The following PRR5 variants were observed in gnomAD, a reference collection of about 807,000 sequenced individuals.
PRR5 encodes the protein proline rich 5.
PRR5 carries 25 observed loss-of-function variants against 30.6 expected under a neutral mutation model. The observed-to-expected ratio is 0.82, with a 90% CI of 0.60 to 1.14. The LOEUF (loss-of-function observed/expected upper bound fraction) is 1.14. Among genes scored for constraint, PRR5 ranks in the 50% most tolerant of loss-of-function variants. The pLI, the probability that PRR5 is intolerant of heterozygous loss-of-function variation, is 0.00. For missense variants in PRR5, 600 were observed against 547.1 expected, an observed-to-expected ratio of 1.10 and a Z score of -0.96; for synonymous variants, 286 against 247.1, an observed-to-expected ratio of 1.16 and a Z score of -1.48.
chr22:44,732,993 C>T (rs558924906), intron 6 of PRR5, among the ~76,000 whole-genome samples: 38 of 145,074 alleles, frequency 2.6e-4, no homozygotes, highest in Middle Eastern at 3.6e-3. Flanking sequence ...CATACATGTG[C>T]GCGCACACAT....
At chr22:44,721,856 G>A (rs1471059817) in intron 2 of PRR5, among the ~76,000 whole-genome samples, 1 of 152,228 alleles carries the variant, frequency 6.6e-6, no homozygotes, top group Non-Finnish European at 1.5e-5. Flanking sequence ...CTCGGGTTCA[G>A]CCTCATGCCT....
At chr22:44,718,192 C>CTTGTTTT (rs1929391273) in intron 2 of PRR5, among the ~76,000 whole-genome samples, 1 of 94,578 alleles carries the variant, frequency 1.1e-5, no homozygotes, top group Non-Finnish European at 1.9e-5. Flanking sequence ...TTTCATCTCT[C>CTTGTTTT]TTTTTTTTTT....
chr22:44,701,518 C>T (rs998623920), upstream of PRR5, among the ~76,000 whole-genome samples: 3 of 152,230 alleles, frequency 2.0e-5, no homozygotes, highest in Admixed American at 6.5e-5. Context: ...CAGGAAGCAC[C>T]GGCTGTGCCC....
chr22:44,670,764 G>A (rs1923379503), intron 1 of PRR5, among the ~76,000 whole-genome samples: 1 of 152,176 alleles, frequency 6.6e-6, no homozygotes, highest in South Asian at 2.1e-4. Flanking sequence ...TGGCAGAGGC[G>A]GGCAGCGTGG....
At chr22:44,731,950 G>C in intron 5 of PRR5, 129 bp downstream of exon 5, 1 of 1,044,060 alleles carries the variant, frequency 9.6e-7, no homozygotes, top group Non-Finnish European at 1.4e-6. Context: ...GCTCTCCTTG[G>C]GCTACCTGAG....
At chr22:44,700,058 G>A (rs1416325750), upstream of PRR5, among the ~76,000 whole-genome samples, 3 of 152,144 alleles carry the variant, frequency 2.0e-5, no homozygotes, top group Admixed American at 6.5e-5. Flanking sequence ...GTTCATGCCT[G>A]TAATCCTAAC....
chr22:44,731,697 C>T, intron 4 of PRR5, 33 bp from the exon 5 acceptor site: 3 of 1,608,622 alleles, frequency 1.9e-6, no homozygotes, highest in Non-Finnish European at 2.6e-6. Context: ...CCGCGCCAGT[C>T]AGGCCCAGTG....
upstream of PRR5, among the ~76,000 whole-genome samples, chr22:44,676,347 C>T (rs9626231): frequency 1.9e-4 from 25 of 133,802 alleles, no homozygotes; most frequent in Admixed American, 7.2e-4. Context: ...GCTGTGATTG[C>T]GCCACTGCTT....
chr22:44,686,024 G>A (rs1482211331), intron 1 of PRR5, among the ~76,000 whole-genome samples: 2 of 152,144 alleles, frequency 1.3e-5, no homozygotes, highest in East Asian at 3.9e-4. Context: ...GGAGGCCAAG[G>A]CAGGCAAATC....
intron 1 of PRR5, among the ~76,000 whole-genome samples, chr22:44,671,139 C>A (rs1309140109): frequency 6.6e-6 from 1 of 152,200 alleles, no homozygotes; most frequent in Non-Finnish European, 1.5e-5. Flanking sequence ...GTGGGTCACC[C>A]ACAGGCTCAA....
At chr22:44,702,183 C>CTCGCCCCCGGGT (rs1555898114), upstream of PRR5, 3 of 938,252 alleles carry the variant, frequency 3.2e-6, no homozygotes, top group African/African-American at 1.8e-5. Context: ...CGCCCCTGGG[C>CTCGCCCCCGGGT]CCGCCCCCGG....
intron 1 of PRR5, among the ~76,000 whole-genome samples, chr22:44,695,752 A>G (rs182354521): frequency 2.1e-4 from 31 of 151,174 alleles, no homozygotes; most frequent in Admixed American, 1.9e-3. Context: ...ATGCACACCA[A>G]CATGCCCAGC....
At chr22:44,727,097 T>C (rs1264420129) in intron 4 of PRR5, among the ~76,000 whole-genome samples, 3 of 151,674 alleles carry the variant, frequency 2.0e-5, no homozygotes, top group Non-Finnish European at 1.5e-5. Context: ...CAGGTTATTG[T>C]TCCTGAGTGG....
chr22:44,733,823 C>T (rs12483883), intron 6 of PRR5, among the ~76,000 whole-genome samples: 1 of 152,152 alleles, frequency 6.6e-6, no homozygotes, highest in Admixed American at 6.5e-5. Flanking sequence ...GGAGCCTGTA[C>T]CAGCCCCGAA....
intron 1 of PRR5, among the ~76,000 whole-genome samples, chr22:44,705,292 C>T (rs1381213175): frequency 1.3e-5 from 2 of 152,112 alleles, no homozygotes; most frequent in African/African-American, 2.4e-5. Flanking sequence ...GCTTTCATTT[C>T]CACGTCCAAA....
chr22:44,721,843 G>A (rs982986500), intron 2 of PRR5, among the ~76,000 whole-genome samples: 4 of 152,212 alleles, frequency 2.6e-5, no homozygotes, highest in South Asian at 2.1e-4. Context: ...CTGAGCAGAC[G>A]CCCTCGGGTT....
intron 1 of PRR5, among the ~76,000 whole-genome samples, chr22:44,682,422 A>C (rs1924379417): frequency 6.6e-6 from 1 of 152,212 alleles, no homozygotes. Flanking sequence ...CGTGGCTGTC[A>C]GCTGCCTGGA....
chr22:44,679,975 T>A, intron 1 of PRR5: 2 of 1,263,626 alleles, frequency 1.6e-6, no homozygotes, highest in Non-Finnish European at 2.2e-6. Context: ...GAAAGGTGAG[T>A]AGGACGGCGA....
At chr22:44,705,327 AT>A (rs532526394) in intron 1 of PRR5, among the ~76,000 whole-genome samples, 1 of 150,476 alleles carries the variant, frequency 6.6e-6, no homozygotes, top group Non-Finnish European at 1.5e-5. Flanking sequence ...CTCTCTCTCT[AT>A]TTTTTTTCCT....
Sources: allele counts gnomAD v4.1 joint callset (sites outside exome capture counted in the v4.1 genomes callset), GRCh38; gene constraint gnomAD v4.1.1; transcripts MANE v1.5; gene names NCBI Gene and HGNC (gene_info 2026-07-23, HGNC 2026-07-21).